The following FILIP1 variants were observed in gnomAD, a reference collection of about 807,000 sequenced individuals.
FILIP1 encodes the protein filamin-A-interacting protein 1.
Under a neutral mutation model 102.1 loss-of-function variants are expected in FILIP1, and 61 were observed. That is an observed-to-expected ratio of 0.60 (90% CI 0.49 to 0.74). The LOEUF is 0.74. FILIP1 is among the 30% of genes least tolerant of loss of function. The pLI, the probability that FILIP1 is intolerant of heterozygous loss-of-function variation, is 0.00. For synonymous variants in FILIP1, 491 were observed against 526.9 expected (o/e 0.93, Z 0.93); for missense variants, 1,314 against 1,441.2 (o/e 0.91, Z 1.43).
intron 2 of FILIP1, among the ~76,000 whole-genome samples, chr6:75,371,983 C>T (rs994228368): frequency 7.2e-5 from 11 of 152,058 alleles, no homozygotes; most frequent in Non-Finnish European, 1.5e-4. Context: ...TTAAAAACTT[C>T]CTTGCATCAG....
At chr6:75,363,056 A>AT (rs966611564) in intron 2 of FILIP1, 139 bp from the exon 3 acceptor site, 13,043 of 604,706 alleles carry the variant, frequency 0.022, no homozygotes, top group South Asian at 0.028. Context: ...TTCTGCTCTA[A>AT]TTTTTTTTTT....
chr6:75,424,682 T>A (rs1777575603), intron 1 of FILIP1, among the ~76,000 whole-genome samples: 1 of 152,160 alleles, frequency 6.6e-6, no homozygotes, highest in East Asian at 1.9e-4. Context: ...TAGCAAATAT[T>A]CCCAACTTTA....
chr6:75,326,095 T>TTAGATAGA (rs145164121), intron 4 of FILIP1, among the ~76,000 whole-genome samples: 50 of 144,946 alleles, frequency 3.4e-4, no homozygotes, highest in South Asian at 6.8e-4. Context: ...GATAGATAGA[T>TTAGATAGA]TAGATAGATA....
At chr6:75,344,122 T>C (rs1774501991) in intron 4 of FILIP1, among the ~76,000 whole-genome samples, 1 of 152,236 alleles carries the variant, frequency 6.6e-6, no homozygotes, top group Non-Finnish European at 1.5e-5. Flanking sequence ...TGTGGTTTTC[T>C]TTACTCCAAG....
chr6:75,386,465 T>C (rs1039238294), intron 2 of FILIP1: 1 of 152,206 alleles, frequency 6.6e-6, no homozygotes, highest in African/African-American at 2.4e-5. Flanking sequence ...CTTCACTTGC[T>C]TAATCCTGAG....
intron 1 of FILIP1, among the ~76,000 whole-genome samples, chr6:75,475,108 T>C (rs1779436611): frequency 1.3e-5 from 2 of 152,228 alleles, no homozygotes; most frequent in South Asian, 4.1e-4. Flanking sequence ...GTTGCAGGCA[T>C]GTCTTTATGG....
chr6:75,483,405 AG>A (rs1209757478), intron 1 of FILIP1, among the ~76,000 whole-genome samples: 6 of 152,218 alleles, frequency 3.9e-5, no homozygotes, highest in African/African-American at 1.2e-4. Context: ...TGGGGAACCC[AG>A]CCAAACTCAC....
At chr6:75,466,750 T>C (rs1779180466) in intron 1 of FILIP1, among the ~76,000 whole-genome samples, 1 of 152,242 alleles carries the variant, frequency 6.6e-6, no homozygotes, top group Non-Finnish European at 1.5e-5. Flanking sequence ...TGCTGTCTAG[T>C]ACAGTAGCCC....
At chr6:75,409,186 G>A (rs1384888098) in intron 2 of FILIP1, among the ~76,000 whole-genome samples, 3 of 152,180 alleles carry the variant, frequency 2.0e-5, no homozygotes, top group Non-Finnish European at 4.4e-5. Context: ...TAGAATGTAA[G>A]TGATATAATG....
intron 1 of FILIP1, among the ~76,000 whole-genome samples, chr6:75,457,158 C>T (rs1381787527): frequency 6.6e-6 from 1 of 152,098 alleles, no homozygotes; most frequent in Non-Finnish European, 1.5e-5. Context: ...TCTTCAAGCC[C>T]CATGCTATCA....
At position 75,445,617 on chromosome 6, in the gene FILIP1, ATTTT is replaced by A. The variant is rs200129252; in HGVS notation, c.-6-30643_-6-30640del. Among the ~76,000 whole-genome samples the A allele has an allele frequency of 2.8e-3, 408 of 145,014 alleles. 5 individuals carry two copies. The highest frequency in any genetic ancestry group is 7.1e-3 in the Middle Eastern group (2 of 282). On this transcript the variant is annotated intron_variant, in intron 1 of 5. Coordinates refer to ENST00000237172, the MANE Select transcript of FILIP1 (RefSeq NM_015687.5). ...TTATTGAAAGCAGGAACCACATTTA[ATTTT>A]TTTTTTTTTTACTCCCAGCACCTAC... is the stretch of plus-strand genomic sequence containing the variant.
chr6:75,298,312 G>T (rs139741320), intron 6 of FILIP1, among the ~76,000 whole-genome samples: 81 of 152,240 alleles, frequency 5.3e-4, no homozygotes, highest in African/African-American at 1.7e-3. Context: ...ACTTGATAAT[G>T]CTAAATAAGA....
chr6:75,362,469 A>G (rs956772852), intron 3 of FILIP1, among the ~76,000 whole-genome samples: 22 of 152,250 alleles, frequency 1.4e-4, no homozygotes, highest in Admixed American at 5.9e-4. Context: ...TTAGAGAAGT[A>G]AAAGAATAAT....
At chr6:75,451,633 C>T (rs1292139084) in intron 1 of FILIP1, among the ~76,000 whole-genome samples, 4 of 151,238 alleles carry the variant, frequency 2.6e-5, no homozygotes, top group Non-Finnish European at 5.9e-5. Flanking sequence ...GAGTTTGAGA[C>T]CAGCCTAGCC....
intron 2 of FILIP1, among the ~76,000 whole-genome samples, chr6:75,390,125 A>T (rs1258482974): frequency 6.6e-6 from 1 of 152,198 alleles, no homozygotes; most frequent in East Asian, 1.9e-4. Context: ...TCTCTAAAGG[A>T]ACACTGGCTC....
chr6:75,318,532 G>C (rs942725643), intron 4 of FILIP1, among the ~76,000 whole-genome samples: 1 of 151,806 alleles, frequency 6.6e-6, no homozygotes, highest in East Asian at 1.9e-4. Flanking sequence ...CATCATGCCT[G>C]GCCCAGTTTT....
In FILIP1 at chr6:75,308,781, G is replaced by T; in HGVS notation, c.3552C>A (p.Phe1184Leu). 6.2e-7 allele frequency: 1 copy of T among 1,613,958 alleles called. No homozygotes were observed. Among genetic ancestry groups the T allele is most frequent in the Non-Finnish European group, 8.5e-7 (1 of 1,179,988 alleles). Residue 1184 changes from phenylalanine (F) to leucine (L), a missense_variant, in exon 6 of 6, where the codon TTC becomes TTA. Phe to Leu is a conservative substitution (Grantham distance 22, BLOSUM62 0). This residue lies in a region of FILIP1 where 816 missense variants were observed against 913.1 expected (regional missense o/e 0.89). Coordinates refer to ENST00000237172, the MANE Select transcript of FILIP1 (RefSeq NM_015687.5). The part of the protein sequence containing the change: ...AAPGAGNLTK[F>L]EPRAETQSMK... ...TAGACTGAGTCTCAGCTCGAGGCTC[G>T]AATTTGGTCAGATTTCCTGCTCCTG... is the stretch of plus-strand genomic sequence containing the variant.
chr6:75,436,317 C>T (rs1778018623), intron 1 of FILIP1, among the ~76,000 whole-genome samples: 1 of 151,626 alleles, frequency 6.6e-6, no homozygotes. Flanking sequence ...TTGCAGTGAG[C>T]CAAGATTGCG....
At chr6:75,332,402 A>G (rs1013696144) in intron 4 of FILIP1, among the ~76,000 whole-genome samples, 2 of 152,120 alleles carry the variant, frequency 1.3e-5, no homozygotes, top group African/African-American at 4.8e-5. Flanking sequence ...TTACCTAATA[A>G]TTTTCACTAG....
Sources: gnomAD v4.1 joint callset for allele counts (sites outside exome capture counted in the v4.1 genomes callset) on GRCh38, gnomAD v4.1.1 for gene constraint, gnomAD v4.1.1 regional missense constraint, MANE v1.5 for transcripts, NCBI Gene and HGNC (gene_info 2026-07-23, HGNC 2026-07-21) for gene names.